LRCH2: variants seen among roughly 807,000 people sequenced by gnomAD.
The protein encoded by LRCH2 is leucine-rich repeat and calponin homology domain-containing protein 2.
A neutral mutation model predicts 68.9 loss-of-function variants in LRCH2; 38 were observed. The observed-to-expected ratio is 0.55, with a 90% CI of 0.43 to 0.72. The LOEUF (loss-of-function observed/expected upper bound fraction) is 0.72. Among genes scored for constraint, LRCH2 ranks in the 30% least tolerant of loss-of-function variants. The pLI, the probability that LRCH2 is intolerant of heterozygous loss-of-function variation, is 0.00. For missense variants in LRCH2, 528 were observed against 572.9 expected (o/e 0.92, Z 0.80); for synonymous variants, 191 against 208.1 (o/e 0.92, Z 0.71).
Position 115,234,020 on chromosome X carries a change from C to T in LRCH2, c.22G>A (p.Gly8Ser). The T allele has an allele frequency of 1.7e-6, 2 of 1,166,636 alleles. No homozygotes were observed. Among genetic ancestry groups the T allele is most frequent in the Non-Finnish European group, 2.3e-6 (2 of 872,754 alleles). Residue 8 changes from glycine to serine, a missense_variant, in exon 1 of 21, where the codon GGC (glycine) becomes AGC (serine). Transcript: ENST00000317135. MAASQGG[G>S]GNSGGGGCGG... ...CAACCGCCGCCCCCACTGTTACCGCCTCCTCCCTGACTCGCCGCCATGTTC... is the reference window on the plus strand; with the variant it reads ...CAACCGCCGCCCCCACTGTTACCGCTTCCTCCCTGACTCGCCGCCATGTTC...
At chrX:115,177,802 C>T (rs888671134) in intron 5 of LRCH2, among the ~76,000 whole-genome samples, 1 of 107,986 alleles carries the variant, frequency 9.3e-6, no homozygotes, top group Non-Finnish European at 1.9e-5. Context: ...TTGCCCCCCA[C>T]ACCCCCACAG....
At chrX:115,170,633 CT>C (rs1213346724) in intron 5 of LRCH2, among the ~76,000 whole-genome samples, 4 of 111,651 alleles carry the variant, frequency 3.6e-5, no homozygotes, top group African/African-American at 1.3e-4. Context: ...ATTGCCATCT[CT>C]GTTCTTATTG....
intron 20 of LRCH2, among the ~76,000 whole-genome samples, chrX:115,119,859 A>G (rs1368128849): frequency 9.2e-6 from 1 of 109,212 alleles, no homozygotes; most frequent in Non-Finnish European, 1.9e-5. Flanking sequence ...CCTCAGAAAT[A>G]ACACCGCATA....
intron 3 of LRCH2, among the ~76,000 whole-genome samples, chrX:115,182,053 A>T (rs1314994080): frequency 1.8e-5 from 2 of 111,706 alleles, no homozygotes; most frequent in Non-Finnish European, 3.8e-5. Context: ...AGTATATGGG[A>T]GAATGTATTT....
In LRCH2 at chrX:115,130,538, C is replaced by A. The variant is rs182331538; in HGVS notation, c.1696-339G>T. Among the ~76,000 whole-genome samples the A allele has an allele frequency of 6.3e-5, 7 of 110,758 alleles. No homozygotes were observed. The East Asian group carries it at 2.0e-3, about 32-fold the overall frequency. ...TATCCAATATGTCATCAAGTCGATT[C>A]TTTTTTTAATCTCTCTCAGACTTAC... is the stretch of plus-strand genomic sequence containing the variant. On this transcript the variant is annotated intron_variant, in intron 14 of 20. Transcript: ENST00000317135.
intron 12 of LRCH2, 47 bp from the exon 13 acceptor site, chrX:115,150,117 T>A (rs782053563): frequency 5.7e-6 from 5 of 884,426 alleles, no homozygotes; most frequent in South Asian, 5.8e-5. Flanking sequence ...TTAGAATAAA[T>A]CCTTAAATAT....
chrX:115,140,379 G>T (rs1314964372), intron 14 of LRCH2, among the ~76,000 whole-genome samples: 1 of 110,313 alleles, frequency 9.1e-6, no homozygotes. Context: ...AGTATGCTGT[G>T]GACCTTGGGA....
At chrX:115,165,316 A>C (rs781996142) in intron 10 of LRCH2, 89 bp downstream of exon 10, 2 of 644,443 alleles carry the variant, frequency 3.1e-6, no homozygotes, top group South Asian at 3.4e-5. Context: ...ACAAAAAATT[A>C]TATTTTTTTC....
rs1196662958 is a variant in LRCH2 at position 115,197,818 on chromosome X, G to GTCTCTCTCTCTCTC, written c.350-9462_350-9449dup. The stretch of plus-strand genomic sequence containing the variant: ...CACTCCAGCCTGGGCAACAGAACAA[G>GTCTCTCTCTCTCTC]TCTCTCTCTCTCTCTCTCTCTCTCT... On this transcript the variant is annotated intron_variant, in intron 1 of 20. Coordinates refer to ENST00000317135, the MANE Select transcript of LRCH2 (RefSeq NM_020871.4). 1.9e-3 allele frequency among the ~76,000 whole-genome samples: 25 copies of GTCTCTCTCTCTCTC among 13,403 alleles called. 1 individual carries two copies. The highest frequency in any genetic ancestry group is 0.011 in the South Asian group (1 of 87). 11.6% of individuals were successfully genotyped at this position (13,403 alleles called of 115,157 possible).
intron 15 of LRCH2, 82 bp downstream of exon 15, chrX:115,130,073 T>G (rs1191689400): frequency 2.0e-6 from 1 of 491,025 alleles, no homozygotes. Context: ...AACTGAAAAA[T>G]GGATTACATT....
chrX:115,157,180 A>T (rs1556540024), intron 11 of LRCH2, among the ~76,000 whole-genome samples: 1 of 111,272 alleles, frequency 9.0e-6, no homozygotes, highest in East Asian at 2.8e-4. Context: ...GAAAATGATG[A>T]ACCATTATAA....
rs1197258333 is a variant in LRCH2 at position 115,119,357 on chromosome X, C to G, written c.2178+3170G>C. Reference sequence around the variant, plus strand: ...AAAATCAATGTACAAAAATCACAAGCATTCTTATACACCAACAACAGACAA... The same window carrying G: ...AAAATCAATGTACAAAAATCACAAGGATTCTTATACACCAACAACAGACAA... On this transcript the variant is annotated intron_variant, in intron 20 of 20. Coordinates refer to ENST00000317135, the MANE Select transcript of LRCH2 (RefSeq NM_020871.4). Among the ~76,000 whole-genome samples the G allele has an allele frequency of 4.1e-5, 4 of 98,426 alleles. No individual in the cohort carries two copies. The Admixed American group carries it at 4.6e-4, about 11-fold the overall frequency. 85.5% of individuals were successfully genotyped at this position (98,426 alleles called of 115,157 possible). A position where few individuals can be genotyped will look rare whatever the true frequency, so the allele number is the denominator to read the frequency against.
At chrX:115,125,452 T>C (rs1243575438) in intron 16 of LRCH2, among the ~76,000 whole-genome samples, 717 of 1,505 alleles carry the variant, frequency 0.48, 56 homozygotes, top group East Asian at 0.64. Context: ...TATATATATA[T>C]ATATATATAT....
chrX:115,192,851 T>A (rs2072856536), intron 1 of LRCH2: 1 of 431,997 alleles, frequency 2.3e-6, no homozygotes, highest in Admixed American at 4.2e-5. Context: ...CAAGTTCTTG[T>A]TAAAAGTATA....
chrX:115,208,905 C>T (rs1274273272), intron 1 of LRCH2, among the ~76,000 whole-genome samples: 1 of 111,524 alleles, frequency 9.0e-6, no homozygotes, highest in Non-Finnish European at 1.9e-5. Flanking sequence ...TCACGTGTAT[C>T]CTTATAAGAG....
Position 115,135,293 on chromosome X carries a change from A to C in LRCH2, c.1696-5094T>G, listed in dbSNP as rs188576242. Among the ~76,000 whole-genome samples, 26 of 107,312 alleles carry C rather than the reference A, an allele frequency of 2.4e-4. No individual in the cohort carries two copies. The East Asian group carries it at 7.4e-3, about 30-fold the overall frequency. The allele number at this position is 107,312 out of a possible 115,157, so 93.2% of individuals were successfully genotyped here. A position where few individuals can be genotyped will look rare whatever the true frequency, so the allele number is the denominator to read the frequency against. The stretch of plus-strand genomic sequence containing the variant: ...CAGGCATGTGCCACCGTGACCAGCT[A>C]ATTTTTTTGTATTTTTTGTAGAGAC... On this transcript the variant is annotated intron_variant, in intron 14 of 20. Coordinates refer to ENST00000317135, the MANE Select transcript of LRCH2 (RefSeq NM_020871.4).
intron 1 of LRCH2, among the ~76,000 whole-genome samples, chrX:115,232,654 G>A (rs781786671): frequency 9.0e-6 from 1 of 111,612 alleles, no homozygotes. Flanking sequence ...CATTATGGGT[G>A]AATTTACTTA....
intron 1 of LRCH2, among the ~76,000 whole-genome samples, chrX:115,202,352 T>C (rs1250784430): frequency 9.0e-6 from 1 of 111,379 alleles, no homozygotes; most frequent in East Asian, 2.8e-4. Flanking sequence ...AGCAGAGTGA[T>C]AGACAATGGA....
intron 1 of LRCH2, chrX:115,190,432 G>A: frequency 1.7e-6 from 2 of 1,166,289 alleles, no homozygotes; most frequent in South Asian, 3.8e-5. Context: ...CCGCTACGAG[G>A]AGTACCAGGG....
Sources: gnomAD v4.1 joint callset for allele counts (sites outside exome capture counted in the v4.1 genomes callset) on GRCh38, gnomAD v4.1.1 for gene constraint, MANE v1.5 for transcripts, NCBI Gene and HGNC (gene_info 2026-07-23, HGNC 2026-07-21) for gene names.